The following TBX18 variants were observed in gnomAD, a reference collection of about 807,000 sequenced individuals.
The protein encoded by TBX18 is T-box transcription factor TBX18.
In TBX18, 21 loss-of-function variants were observed where a neutral mutation model predicts 55.0. The observed-to-expected ratio is 0.38, with a 90% confidence interval of 0.27 to 0.55. TBX18 has a LOEUF of 0.55. Ranked by LOEUF, TBX18 falls within the 20% of genes least tolerant of loss-of-function variation. The probability of loss-of-function intolerance (pLI) is 0.73; values close to 1 mark genes in which losing one functional copy is unlikely to be tolerated. For synonymous variants in TBX18, 342 were observed against 326.1 expected, an observed-to-expected ratio of 1.05 and a Z score of -0.53; for missense variants, 840 against 799.6, an observed-to-expected ratio of 1.05 and a Z score of -0.61.
intron 3 of TBX18, 118 bp downstream of exon 3, chr6:84,760,137 T>C: frequency 1.8e-6 from 1 of 559,198 alleles, no homozygotes; most frequent in Non-Finnish European, 2.7e-6. Context: ...AAAGTATGGA[T>C]CTGGAAATTC....
chr6:84,749,504 C>T (rs1226805919), intron 4 of TBX18, among the ~76,000 whole-genome samples: 30 of 150,124 alleles, frequency 2.0e-4, no homozygotes, highest in Non-Finnish European at 2.2e-4. Flanking sequence ...TTTTTTTAAC[C>T]CTGCAGTTTT....
At chr6:84,743,864 A>G (rs1767110236) in intron 6 of TBX18, among the ~76,000 whole-genome samples, 1 of 152,218 alleles carries the variant, frequency 6.6e-6, no homozygotes, top group African/African-American at 2.4e-5. Flanking sequence ...GACTTAACGA[A>G]AGACCCTATC....
At chr6:84,759,041 A>C (rs2127880853) in intron 3 of TBX18, among the ~76,000 whole-genome samples, 1 of 152,284 alleles carries the variant, frequency 6.6e-6, no homozygotes, top group East Asian at 1.9e-4. Context: ...AAGCTTATTA[A>C]GAATTATATT....
chr6:84,739,942 G>A (rs1040390287), intron 6 of TBX18, among the ~76,000 whole-genome samples: 12 of 152,170 alleles, frequency 7.9e-5, no homozygotes, highest in African/African-American at 2.7e-4. Context: ...GGAGGAATAC[G>A]CCTACCCCAT....
At chr6:84,745,611 C>T (rs567175042) in intron 5 of TBX18, among the ~76,000 whole-genome samples, 1 of 152,104 alleles carries the variant, frequency 6.6e-6, no homozygotes, top group East Asian at 1.9e-4. Context: ...ATTAAGTCAT[C>T]ATGTCTGCCA....
At chr6:84,739,351 A>G (rs75484423) in intron 6 of TBX18, among the ~76,000 whole-genome samples, 7,691 of 152,250 alleles carry the variant, frequency 0.051, 231 homozygotes, top group African/African-American at 0.079. Context: ...TGGACTACTT[A>G]CATGACATAC....
intron 3 of TBX18, among the ~76,000 whole-genome samples, chr6:84,757,283 G>A (rs1360976272): frequency 6.6e-6 from 1 of 152,082 alleles, no homozygotes; most frequent in Admixed American, 6.6e-5. Context: ...ATTTTAAAAT[G>A]CCCCGCTTCC....
Position 84,762,672 on chromosome 6 carries a change from C to A in TBX18, c.369G>T (p.Ala123=). The part of the protein sequence containing the change: ...SPGGSPKGSP[A]RSLARPGTPL... ...GGGTCCCGGGCCGGGCCAGGGAGCG[C>A]GCCGGAGACCCCTTGGGGGAGCCTC... The change falls in exon 2 of 8, where the codon GCG becomes GCT. Residue 123 remains alanine (A), a synonymous_variant. Coordinates refer to ENST00000369663, the MANE Select transcript of TBX18 (RefSeq NM_001080508.3). 1 of 1,609,874 alleles carries A rather than the reference C, an allele frequency of 6.2e-7. No individual in the cohort carries two copies. The highest frequency in any genetic ancestry group is 8.5e-7 in the Non-Finnish European group (1 of 1,178,450).
At position 84,763,943 on chromosome 6, in the gene TBX18, C is replaced by T; in HGVS notation, c.239G>A (p.Gly80Glu). 2.5e-6 allele frequency: 4 copies of T among 1,580,138 alleles called. No individual in the cohort carries two copies. Among genetic ancestry groups the T allele is most frequent in the Non-Finnish European group, 3.4e-6 (4 of 1,168,814 alleles). The change falls in exon 1 of 8, where the codon GGG (glycine) becomes GAG (glutamate). Residue 80 changes from glycine (G) to glutamate (E), a missense_variant. Gly to Glu is a moderately conservative substitution (Grantham distance 98). Coordinates refer to ENST00000369663, the MANE Select transcript of TBX18 (RefSeq NM_001080508.3). ...DEGAALPPPA[G>E]ATSGPARSGA... ...ACTCCGAGCCGGCCCAGACGTCGCC[C>T]CAGCCGGCGGCGGGAGCGCAGCGCC...
intron 4 of TBX18, among the ~76,000 whole-genome samples, chr6:84,755,856 AT>A (rs1562264780): frequency 6.6e-6 from 1 of 152,202 alleles, no homozygotes; most frequent in East Asian, 1.9e-4. Context: ...GACAACTTAC[AT>A]TTTGTTTTAA....
rs1337431069 is a variant in TBX18 at position 84,733,308 on chromosome 6, T to C, written c.*3377A>G. ...TATATTTAACCTTACTCTCAACTTA[T>C]CTGAGCATTTCTTTTTAGAAAGGAT... On this transcript the variant is annotated 3_prime_UTR_variant, in exon 8 of 8. Transcript: ENST00000369663. The C allele has an allele frequency of 6.6e-6, 1 of 152,222 alleles. No homozygotes were observed. Among genetic ancestry groups the C allele is most frequent in the Admixed American group, 6.5e-5 (1 of 15,288 alleles). 9.4% of individuals were successfully genotyped at this position (152,222 alleles called of 1,614,324 possible). A position where few individuals can be genotyped will look rare whatever the true frequency, so the allele number is the denominator to read the frequency against.
At chr6:84,751,085 C>A (rs1235246276) in intron 4 of TBX18, among the ~76,000 whole-genome samples, 1 of 152,140 alleles carries the variant, frequency 6.6e-6, no homozygotes, top group African/African-American at 2.4e-5. Context: ...ATTAGCATAT[C>A]TTTTAGAAAC....
intron 3 of TBX18, among the ~76,000 whole-genome samples, chr6:84,758,509 T>C (rs1258698959): frequency 1.3e-5 from 2 of 152,124 alleles, no homozygotes; most frequent in Non-Finnish European, 2.9e-5. Flanking sequence ...TGAATATTAA[T>C]TTTACATTCT....
intron 4 of TBX18, among the ~76,000 whole-genome samples, chr6:84,756,296 C>T (rs1767484786): frequency 6.6e-6 from 1 of 152,222 alleles, no homozygotes. Context: ...TAGACAATTA[C>T]TGAGAAGCAA....
At chr6:84,738,659 C>A in intron 6 of TBX18, 68 bp from the exon 7 acceptor site, 2 of 1,168,188 alleles carry the variant, frequency 1.7e-6, no homozygotes, top group Non-Finnish European at 2.6e-6. Context: ...GATCTTTCAC[C>A]AGCAGCAAGC....
chr6:84,742,499 G>T (rs1277476424), intron 6 of TBX18: 1 of 152,096 alleles, frequency 6.6e-6, no homozygotes, highest in Non-Finnish European at 1.5e-5. Flanking sequence ...CTGAAAACTT[G>T]TCATATGTAT....
At chr6:84,748,723 A>T (rs1332219682) in intron 4 of TBX18, among the ~76,000 whole-genome samples, 1 of 152,184 alleles carries the variant, frequency 6.6e-6, no homozygotes, top group South Asian at 2.1e-4. Flanking sequence ...TGCTGGGGAA[A>T]TCTGATAATA....
chr6:84,753,951 A>G (rs1224929903), intron 4 of TBX18, among the ~76,000 whole-genome samples: 2 of 152,120 alleles, frequency 1.3e-5, no homozygotes, highest in Non-Finnish European at 2.9e-5. Flanking sequence ...TTTTTGAAGC[A>G]GAGTCTCACT....
At chr6:84,761,571 T>C (rs1767647810) in intron 2 of TBX18, among the ~76,000 whole-genome samples, 1 of 152,228 alleles carries the variant, frequency 6.6e-6, no homozygotes, top group Admixed American at 6.5e-5. Context: ...TCTAATAAGT[T>C]TGGATACTTT....
Sources: allele counts gnomAD v4.1 joint callset (sites outside exome capture counted in the v4.1 genomes callset), GRCh38; gene constraint gnomAD v4.1.1; transcripts MANE v1.5; gene names NCBI Gene and HGNC (gene_info 2026-07-23, HGNC 2026-07-21).